The following PLEC variants were observed in gnomAD, a reference collection of about 807,000 sequenced individuals.
PLEC encodes plectin.
Under a neutral mutation model 392.8 loss-of-function variants are expected in PLEC, and 216 were observed. The observed-to-expected ratio is 0.55, with a 90% CI of 0.49 to 0.62. The LOEUF is 0.62. Among genes scored for constraint, PLEC ranks in the 20% least tolerant of loss-of-function variants. PLEC has a pLI of 0.00. For missense variants in PLEC, 6,863 were observed against 6,563.4 expected, an observed-to-expected ratio of 1.05 and a Z score of -1.58; for synonymous variants, 3,621 against 2,980.6, an observed-to-expected ratio of 1.21 and a Z score of -7.00.
chr8:143,943,989 G>T, upstream of PLEC: 2 of 1,530,534 alleles, frequency 1.3e-6, no homozygotes, highest in South Asian at 2.4e-5. Flanking sequence ...GAGCGAGGGG[G>T]AGCGCCGGGA....
chr8:143,975,953 C>A (rs1418020297), upstream of PLEC, among the ~76,000 whole-genome samples: 1 of 152,196 alleles, frequency 6.6e-6, no homozygotes, highest in African/African-American at 2.4e-5. The surrounding 1 kb of genome is among the most constrained non-coding windows in gnomAD (Gnocchi z 9.9). Context: ...CTCCACTCAC[C>A]GGGTCATCAG....
At chr8:143,937,619 G>A in intron 3 of PLEC, 1 of 503,322 alleles carries the variant, frequency 2.0e-6, no homozygotes, top group Non-Finnish European at 3.8e-6. Context: ...CGGGCAGCTT[G>A]ACACCCAACC....
In PLEC at chr8:143,973,483, G is replaced by A. The variant is rs1324286784; in HGVS notation, c.-11C>T. On this transcript the variant is annotated 5_prime_UTR_variant, in exon 1 of 32. Coordinates refer to the PLEC transcript ENST00000356346. The surrounding 1 kb of genome is among the most constrained non-coding windows in gnomAD (Gnocchi z 5.6). ...CAGCGGGCCGGCCATGCCGGCGGGC[G>A]CGGGGCGCGGGGTGCAGCGGAGCCT... 4.0e-6 allele frequency: 6 copies of A among 1,504,230 alleles called. No individual in the cohort carries two copies. Among genetic ancestry groups the A allele is most frequent in the South Asian group, 3.7e-5 (3 of 80,220 alleles). The allele number at this position is 1,504,230 out of a possible 1,614,324, so 93.2% of individuals were successfully genotyped here.
chr8:143,932,407 C>T lies in PLEC; in HGVS notation c.1970G>A (p.Ser657Asn), dbSNP rs782591543. ...AGCTGGGCCACCGCTCACCGAGTAGCTCTCCTTCTTGGCGGTCATGTTGGT... is the reference window on the plus strand; with the variant it reads ...AGCTGGGCCACCGCTCACCGAGTAGTTCTCCTTCTTGGCGGTCATGTTGGT... ...RNTNMTAKKE[S>N]YSALMRELEL... Residue 657 changes from serine to asparagine, a missense_variant, in exon 16 of 32, where the codon AGC becomes AAC. By Grantham distance (46) the Ser-to-Asn change is conservative. Transcript: ENST00000345136. 2.2e-5 allele frequency: 36 copies of T among 1,612,804 alleles called. No homozygotes were observed. Among genetic ancestry groups the T allele is most frequent in the Middle Eastern group, 1.6e-4 (1 of 6,082 alleles).
chr8:143,948,860 C>T (rs1554733603), intron 1 of PLEC, among the ~76,000 whole-genome samples: 1 of 152,218 alleles, frequency 6.6e-6, no homozygotes, highest in Non-Finnish European at 1.5e-5. Flanking sequence ...AGTGGGTGGG[C>T]AGGGGTGCCG....
chr8:143,919,459 G>A lies in PLEC; in HGVS notation c.10362C>T (p.Gly3454=). 1 of 1,613,256 alleles carries A rather than the reference G, an allele frequency of 6.2e-7. No individual in the cohort carries two copies. Among genetic ancestry groups the A allele is most frequent in the Non-Finnish European group, 8.5e-7 (1 of 1,179,858 alleles). The part of the protein sequence containing the change: ...TISLFQAMQK[G]LVLRQHGIRL... ...GGATGCCGTGCTGCCGGAGAACCAG[G>A]CCCTTCTGCATGGCCTGGAAGAGGG... The change falls in exon 32 of 32, where the codon GGC becomes GGT. Residue 3454 remains glycine (G), a synonymous_variant. Coordinates refer to ENST00000345136, the MANE Select transcript of PLEC (RefSeq NM_201384.3).
chr8:143,971,179 G>T (rs1833411611), intron 1 of PLEC, among the ~76,000 whole-genome samples: 1 of 152,178 alleles, frequency 6.6e-6, no homozygotes. Flanking sequence ...CCGGAGTGAG[G>T]GTCAGACAGG....
chr8:143,935,352 G>C, intron 6 of PLEC, 39 bp from the exon 7 acceptor site: 1 of 1,438,296 alleles, frequency 7.0e-7, no homozygotes, highest in Non-Finnish European at 9.6e-7. Flanking sequence ...GGTGGGACAA[G>C]ACCAGCGGCC....
intron 1 of PLEC, among the ~76,000 whole-genome samples, chr8:143,967,841 A>G (rs1554742777): frequency 6.6e-6 from 1 of 152,080 alleles, no homozygotes; most frequent in African/African-American, 2.4e-5. Flanking sequence ...TTAATAATCA[A>G]AGAATTCAGG....
rs1824266234 is a variant in PLEC, at chr8:143,924,662, T to C, written c.5267A>G (p.Glu1756Gly). 1.3e-6 allele frequency: 2 copies of C among 1,535,970 alleles called. No individual in the cohort carries two copies. Among genetic ancestry groups the C allele is most frequent in the Non-Finnish European group, 1.7e-6 (2 of 1,146,984 alleles). ...CATCTCGGCCCGCACCTTGGCCAGCTCGGCTTCCAGCTCCTGCCGTTTCTG... is the reference window on the plus strand; with the variant it reads ...CATCTCGGCCCGCACCTTGGCCAGCCCGGCTTCCAGCTCCTGCCGTTTCTG... ...ATQKRQELEA[E>G]LAKVRAEMEV... The change falls in exon 31 of 32, where the codon GAG becomes GGG. Residue 1756 changes from glutamate to glycine, a missense_variant. By Grantham distance (98) the Glu-to-Gly change is moderately conservative. Transcript: ENST00000345136.
rs782201570 is a variant in PLEC at position 143,929,179 on chromosome 8, T to C, written c.3184A>G (p.Thr1062Ala). 1.9e-6 allele frequency: 3 copies of C among 1,598,382 alleles called. No homozygotes were observed. Among genetic ancestry groups the C allele is most frequent in the African/African-American group, 2.7e-5 (2 of 74,836 alleles). ...GTCAGCTCCAGCTCCGAGCGCAGCGTGGGGGCCGCAGGCGATGGCTCTGGT... is the reference window on the plus strand; with the variant it reads ...GTCAGCTCCAGCTCCGAGCGCAGCGCGGGGGCCGCAGGCGATGGCTCTGGT... ...ALPEPSPAAP[T>A]LRSELELTLG... The change falls in exon 25 of 32, where the codon ACG becomes GCG. Residue 1062 changes from threonine to alanine, a missense_variant. Physicochemically the swap from Thr to Ala is moderately conservative, Grantham distance 58. Transcript: ENST00000345136.
At chr8:143,937,753 C>T (rs1013424608) in intron 3 of PLEC, 4 of 498,574 alleles carry the variant, frequency 8.0e-6, no homozygotes, top group Admixed American at 2.3e-5. Flanking sequence ...ACTCACCAGG[C>T]GTGAGCTCCT....
In PLEC at chr8:143,922,076, T is replaced by G. The variant is rs868988979; in HGVS notation, c.7745A>C (p.Gln2582Pro). The G allele has an allele frequency of 6.3e-7, 1 of 1,577,254 alleles. No individual in the cohort carries two copies. Among genetic ancestry groups the G allele is most frequent in the East Asian group, 2.3e-5 (1 of 44,028 alleles). Residue 2582 changes from glutamine (Q) to proline (P), a missense_variant, in exon 32 of 32, where the codon CAG becomes CCG. Transcript: ENST00000345136. The part of the protein sequence containing the change: ...ELQQLEQQRR[Q>P]QEELLAEENQ... ...CTCCTCAGCCAGCAGCTCCTCCTGCTGCCGCCGCTGCTGCTCCAGCTGCTG... is the reference window on the plus strand; with the variant it reads ...CTCCTCAGCCAGCAGCTCCTCCTGCGGCCGCCGCTGCTGCTCCAGCTGCTG...
At position 143,918,475 on chromosome 8, in the gene PLEC, G is replaced by A. The variant is rs782358063; in HGVS notation, c.11346C>T (p.Leu3782=). Residue 3782 remains leucine (L), a synonymous_variant, in exon 32 of 32, where the codon CTC becomes CTT. Transcript: ENST00000345136. ...TCAGCTCCTTCTTCATGGCCTGGAA[G>A]AGCGAGATGGTCTGCTCGGTGTAGG... is the stretch of plus-strand genomic sequence containing the variant. The part of the protein sequence containing the change: ...RDPYTEQTIS[L]FQAMKKELIP... 6.3e-7 allele frequency: 1 copy of A among 1,595,290 alleles called. No homozygotes were observed. Among genetic ancestry groups the A allele is most frequent in the East Asian group, 2.3e-5 (1 of 44,074 alleles).
rs1257582686 is a variant in PLEC at position 143,915,670 on chromosome 8, A to G, written c.*507T>C. On this transcript the variant is annotated 3_prime_UTR_variant, in exon 32 of 32. Coordinates refer to ENST00000345136, the MANE Select transcript of PLEC (RefSeq NM_201384.3). ...AGCTGGAAAGCACAGATCAGACAGCACTGTGGGGGCTGGGCCCGAGGGCCT... is the reference window on the plus strand; with the variant it reads ...AGCTGGAAAGCACAGATCAGACAGCGCTGTGGGGGCTGGGCCCGAGGGCCT... 1 of 153,734 alleles carries G rather than the reference A, an allele frequency of 6.5e-6. No homozygotes were observed. The allele number at this position is 153,734 out of a possible 1,614,324, so 9.5% of individuals were successfully genotyped here. A position where few individuals can be genotyped will look rare whatever the true frequency, so the allele number is the denominator to read the frequency against.
Position 143,929,790 on chromosome 8 carries a change from G to A in PLEC, c.2779C>T (p.His927Tyr). The A allele has an allele frequency of 6.3e-7, 1 of 1,599,800 alleles. No individual in the cohort carries two copies. The highest frequency in any genetic ancestry group is 8.5e-7 in the Non-Finnish European group (1 of 1,178,684). The change falls in exon 23 of 32, where the codon CAC becomes TAC. Residue 927 changes from histidine to tyrosine, a missense_variant. Coordinates refer to ENST00000345136, the MANE Select transcript of PLEC (RefSeq NM_201384.3). ...GCCTGGTAGTGCAGCTCCAGGCTGT[G>A]CAGGGCTTGGCGCTGCTCCTCTGGC... ...LKPEEQRQAL[H>Y]SLELHYQAFL...
chr8:143,953,812 A>T, upstream of PLEC: 1 of 1,610,344 alleles, frequency 6.2e-7, no homozygotes, highest in Non-Finnish European at 8.5e-7. Flanking sequence ...ACCACCAGGC[A>T]GAGTCCAGCC....
intron 1 of PLEC, chr8:143,946,337 C>A: frequency 7.8e-7 from 1 of 1,288,746 alleles, no homozygotes; most frequent in Non-Finnish European, 1.0e-6. Context: ...GCCCCCAGCT[C>A]TGCCTGCCCT....
In PLEC at chr8:143,927,032, G is replaced by A. The variant is rs1554706436; in HGVS notation, c.3890C>T (p.Ala1297Val). The stretch of plus-strand genomic sequence containing the variant: ...GACCTTGGGCTTCTTGGCCGGGGAG[G>A]CCACCGGCTCAAGCTGCGCCTTGTA... ...VTYKAQLEPV[A>V]SPAKKPKVQS... The change falls in exon 29 of 32, where the codon GCC becomes GTC. Residue 1297 changes from alanine (A) to valine (V), a missense_variant. Coordinates refer to ENST00000345136, the MANE Select transcript of PLEC (RefSeq NM_201384.3). The A allele has an allele frequency of 8.1e-6, 13 of 1,612,510 alleles. No individual in the cohort carries two copies. The highest frequency in any genetic ancestry group is 1.1e-5 in the Non-Finnish European group (13 of 1,180,000).
Sources: gnomAD v4.1 joint callset for allele counts (sites outside exome capture counted in the v4.1 genomes callset) on GRCh38, gnomAD v4.1.1 for gene constraint, Gnocchi (gnomAD v3.1) non-coding constraint, MANE v1.5 for transcripts, NCBI Gene and HGNC (gene_info 2026-07-23, HGNC 2026-07-21) for gene names.